FGD4: variants seen among roughly 807,000 people sequenced by gnomAD.
The protein encoded by FGD4 is FYVE, RhoGEF and PH domain-containing protein 4.
Under a neutral mutation model 102.0 loss-of-function variants are expected in FGD4, and 42 were observed. The ratio of observed to expected loss-of-function variants is 0.41; its 90% CI spans 0.32 to 0.53. The LOEUF (loss-of-function observed/expected upper bound fraction) is 0.53. FGD4 is among the 20% of genes least tolerant of loss of function. The pLI is 0.21. For synonymous variants in FGD4, 380 were observed against 375.7 expected (o/e 1.01, Z -0.13); for missense variants, 902 against 1,078.2 (o/e 0.84, Z 2.29).
chr12:32,488,404 T>C (rs1189252722), intron 1 of FGD4, among the ~76,000 whole-genome samples: 1 of 151,956 alleles, frequency 6.6e-6, no homozygotes, highest in Non-Finnish European at 1.5e-5. Context: ...TAGGGTAATA[T>C]GATTATACGG....
intron 1 of FGD4, among the ~76,000 whole-genome samples, chr12:32,444,620 G>T (rs897835721): frequency 6.6e-6 from 1 of 152,120 alleles, no homozygotes; most frequent in Non-Finnish European, 1.5e-5. Flanking sequence ...GGCCAGGCTA[G>T]TCTCGAACTC....
rs1486239840 is a variant in FGD4, at chr12:32,410,928, T to TTC, written c.166+10970_166+10971insCT. Among the ~76,000 whole-genome samples, 535 of 143,296 alleles carry TTC rather than the reference T, an allele frequency of 3.7e-3. 5 individuals carry two copies. The highest frequency in any genetic ancestry group is 0.011 in the African/African-American group (378 of 34,020). 94.0% of individuals were successfully genotyped at this position (143,296 alleles called of 152,430 possible). On this transcript the variant is annotated intron_variant, in intron 1 of 16. Transcript: ENST00000534526. ...TGACTTTACAATGAACTCTTTTTTTTTTCTTTTTTTTTTTTTTTTTGAGAT... is the reference window on the plus strand; with the variant it reads ...TGACTTTACAATGAACTCTTTTTTTTTCTTCTTTTTTTTTTTTTTTTTGAGAT...
In FGD4 at chr12:32,604,936, C is replaced by CTTTTTTTTTTTTTTTT. The variant is rs575943561; in HGVS notation, c.1404+2623_1404+2638dup. ...TCAATTTTATCTAGCTTTATAGCTG[C>CTTTTTTTTTTTTTTTT]TTTTTTTTTTTTTTTTTTTGGAGTT... is the stretch of plus-strand genomic sequence containing the variant. On this transcript the variant is annotated intron_variant, in intron 7 of 16. Transcript: ENST00000534526. 6.3e-4 allele frequency among the ~76,000 whole-genome samples: 60 copies of CTTTTTTTTTTTTTTTT among 94,518 alleles called. 5 individuals are homozygous for CTTTTTTTTTTTTTTTT. Among genetic ancestry groups the CTTTTTTTTTTTTTTTT allele is most frequent in the African/African-American group, 1.0e-3 (21 of 20,024 alleles). 62.0% of individuals were successfully genotyped at this position (94,518 alleles called of 152,430 possible).
chr12:32,463,772 G>A (rs765559053), intron 1 of FGD4, among the ~76,000 whole-genome samples: 6 of 152,196 alleles, frequency 3.9e-5, no homozygotes, highest in Admixed American at 2.0e-4. Context: ...CAGGCTTTCT[G>A]ACCACTGCCC....
At position 32,503,678 on chromosome 12, in the gene FGD4, A is replaced by G. The variant is rs1162481230; in HGVS notation, c.167-60459A>G. On this transcript the variant is annotated intron_variant, in intron 1 of 16. Coordinates refer to ENST00000534526, the MANE Select transcript of FGD4 (RefSeq NM_001370298.3). ...ATACTAGCTCTAAGAAGCATCTTTT[A>G]ATAATAGTAGATATATGTCTGCCTG... Among the ~76,000 whole-genome samples the G allele has an allele frequency of 2.0e-5, 3 of 152,350 alleles. No individual in the cohort carries two copies. In the East Asian group the frequency reaches 5.8e-4, roughly 29 times the overall value.
chr12:32,482,783 T>C (rs1346983371), intron 1 of FGD4, among the ~76,000 whole-genome samples: 1 of 152,226 alleles, frequency 6.6e-6, no homozygotes, highest in Non-Finnish European at 1.5e-5. Context: ...CCCACGTTAA[T>C]AATTTTGACA....
chr12:32,470,442 G>A (rs1036807184), intron 1 of FGD4, among the ~76,000 whole-genome samples: 2 of 148,496 alleles, frequency 1.3e-5, no homozygotes, highest in South Asian at 2.2e-4. Context: ...TGACTGCTTC[G>A]AAGTTTTCTT....
intron 1 of FGD4, among the ~76,000 whole-genome samples, chr12:32,430,383 A>G (rs1942007694): frequency 6.6e-6 from 1 of 152,120 alleles, no homozygotes; most frequent in Non-Finnish European, 1.5e-5. Context: ...TTGCTGGGCA[A>G]CCGTACTTTT....
intron 1 of FGD4, among the ~76,000 whole-genome samples, chr12:32,484,612 C>G (rs1943842949): frequency 6.6e-6 from 1 of 152,104 alleles, no homozygotes; most frequent in South Asian, 2.1e-4. Context: ...TCACTCATGC[C>G]TGTAATCCCA....
intron 1 of FGD4, among the ~76,000 whole-genome samples, chr12:32,554,773 A>T (rs375941794): frequency 6.6e-6 from 1 of 152,234 alleles, no homozygotes; most frequent in East Asian, 1.9e-4. Flanking sequence ...CCTCAAAATA[A>T]TCGGGGGGAA....
chr12:32,557,079 C>G (rs1457183070), intron 1 of FGD4: 3 of 152,120 alleles, frequency 2.0e-5, no homozygotes, highest in African/African-American at 7.2e-5. Flanking sequence ...TCTTGAACTC[C>G]TGACCTCAGG....
chr12:32,626,493 T>C (rs1157869189), intron 14 of FGD4, among the ~76,000 whole-genome samples: 1 of 142,610 alleles, frequency 7.0e-6, no homozygotes, highest in Admixed American at 7.0e-5. Flanking sequence ...TAATAATCAA[T>C]AGAGACAGGG....
At chr12:32,599,532 A>ATTTTTTTTT (rs1948203574) in intron 5 of FGD4, among the ~76,000 whole-genome samples, 1 of 47,706 alleles carries the variant, frequency 2.1e-5, no homozygotes, top group African/African-American at 8.4e-5. Context: ...AAACTAAGGC[A>ATTTTTTTTT]TCTTTTTTTT....
chr12:32,473,902 A>G (rs140946239), intron 1 of FGD4, among the ~76,000 whole-genome samples: 5,771 of 152,132 alleles, frequency 0.038, 164 homozygotes, highest in South Asian at 0.12. Flanking sequence ...CATGGCTAAC[A>G]TGGTGAAACC....
At chr12:32,474,750 C>A (rs915204753) in intron 1 of FGD4, among the ~76,000 whole-genome samples, 9 of 151,896 alleles carry the variant, frequency 5.9e-5, no homozygotes, top group African/African-American at 2.2e-4. Flanking sequence ...ACAAAAAATA[C>A]AAAAATTTGC....
At chr12:32,519,268 T>C (rs1231210025) in intron 1 of FGD4, among the ~76,000 whole-genome samples, 1 of 152,180 alleles carries the variant, frequency 6.6e-6, no homozygotes, top group Non-Finnish European at 1.5e-5. Context: ...AGTCTGTCCC[T>C]TTGAGGTACA....
intron 1 of FGD4, among the ~76,000 whole-genome samples, chr12:32,552,866 C>T (rs1008704258): frequency 4.0e-5 from 6 of 151,748 alleles, no homozygotes; most frequent in African/African-American, 1.2e-4. Context: ...CAACCTCCAC[C>T]TCCTGGGTTC....
intron 1 of FGD4, among the ~76,000 whole-genome samples, chr12:32,489,466 A>G (rs765866696): frequency 3.9e-5 from 6 of 152,240 alleles, no homozygotes; most frequent in Non-Finnish European, 8.8e-5. Context: ...TTTCTTTGGA[A>G]GTTCACGTAT....
In FGD4 at chr12:32,642,259, G is replaced by A. The variant is rs984715023; in HGVS notation, c.*1726G>A. 6 of 152,096 alleles carry A rather than the reference G, an allele frequency of 3.9e-5. No individual in the cohort carries two copies. The highest frequency in any genetic ancestry group is 1.4e-4 in the African/African-American group (6 of 41,452). 9.4% of individuals were successfully genotyped at this position (152,096 alleles called of 1,614,324 possible). ...GCCCTATTAAATCAGGGAAAGACTAGAAGAAAATTTACATTGCTTCTCTTT... is the reference window on the plus strand; with the variant it reads ...GCCCTATTAAATCAGGGAAAGACTAAAAGAAAATTTACATTGCTTCTCTTT... On this transcript the variant is annotated 3_prime_UTR_variant, in exon 17 of 17. Coordinates refer to ENST00000534526, the MANE Select transcript of FGD4 (RefSeq NM_001370298.3).
Sources: allele counts gnomAD v4.1 joint callset (sites outside exome capture counted in the v4.1 genomes callset), GRCh38; gene constraint gnomAD v4.1.1; transcripts MANE v1.5; gene names NCBI Gene and HGNC (gene_info 2026-07-23, HGNC 2026-07-21).